The following DPY19L4 variants were observed in gnomAD, a reference collection of about 807,000 sequenced individuals.
The protein encoded by DPY19L4 is dpy-19 like 4.
Under a neutral mutation model 102.8 loss-of-function variants are expected in DPY19L4, and 97 were observed. That is an observed-to-expected ratio of 0.94 (90% CI 0.80 to 1.12). DPY19L4 has a LOEUF of 1.12. Among genes scored for constraint, DPY19L4 ranks in the 50% most tolerant of loss-of-function variants. The pLI is 0.00. For synonymous variants in DPY19L4, 252 were observed against 283.1 expected, an observed-to-expected ratio of 0.89 and a Z score of 1.10; for missense variants, 815 against 850.4, an observed-to-expected ratio of 0.96 and a Z score of 0.52.
chr8:94,774,946 C>G (rs1813109070), intron 13 of DPY19L4, among the ~76,000 whole-genome samples: 1 of 152,036 alleles, frequency 6.6e-6, no homozygotes, highest in African/African-American at 2.4e-5. Context: ...TAGTGTTTAT[C>G]TTTTTGTGAC....
chr8:94,754,222 G>T (rs551064096), intron 6 of DPY19L4, among the ~76,000 whole-genome samples: 1 of 152,088 alleles, frequency 6.6e-6, no homozygotes, highest in Non-Finnish European at 1.5e-5. Context: ...AAAGAGATGA[G>T]TAAAAATGAT....
intron 17 of DPY19L4, among the ~76,000 whole-genome samples, chr8:94,787,408 GGAACT>G (rs1813701747): frequency 6.6e-6 from 1 of 152,048 alleles, no homozygotes; most frequent in African/African-American, 2.4e-5. Flanking sequence ...AGTGGACGTG[GGAACT>G]GAAGGTACTA....
chr8:94,764,717 A>ATATATATT, intron 8 of DPY19L4, among the ~76,000 whole-genome samples: 1 of 29,324 alleles, frequency 3.4e-5, no homozygotes, highest in Non-Finnish European at 5.6e-5. Flanking sequence ...ATATATATAT[A>ATATATATT]TTTTTTTTTT....
chr8:94,760,205 A>G (rs1209476947), intron 7 of DPY19L4, among the ~76,000 whole-genome samples: 1 of 152,214 alleles, frequency 6.6e-6, no homozygotes, highest in East Asian at 1.9e-4. Context: ...GGAATTAACA[A>G]TTTGTTTTAG....
At chr8:94,788,978 C>T (rs749955856) in intron 18 of DPY19L4, among the ~76,000 whole-genome samples, 1 of 152,146 alleles carries the variant, frequency 6.6e-6, no homozygotes, top group Non-Finnish European at 1.5e-5. Flanking sequence ...TTTTATGGTA[C>T]ATGTATTTTG....
At position 94,765,767 on chromosome 8, in the gene DPY19L4, C is replaced by G. The variant is rs558873760; in HGVS notation, c.1059C>G (p.Tyr353Ter). Residue 353 changes from tyrosine (Y) to a stop codon, truncating the protein, a stop_gained, in exon 10 of 19, where the codon TAC (tyrosine) becomes TAG (stop). Coordinates refer to ENST00000414645, the MANE Select transcript of DPY19L4 (RefSeq NM_181787.3). LOFTEE classifies it high-confidence loss of function. ...VAKIIKVINFYLVCTLTITLN... is the reference protein window; with the variant it reads ...VAKIIKVINF ...AAATAATAAAAGTGATTAATTTTTA[C>G]TTGGTGTGTACTCTGACAATAACAT... 6.2e-7 allele frequency: 1 copy of G among 1,602,496 alleles called. No individual in the cohort carries two copies. The highest frequency in any genetic ancestry group is 1.1e-5 in the South Asian group (1 of 89,974).
intron 2 of DPY19L4, among the ~76,000 whole-genome samples, chr8:94,728,488 G>A (rs1810788046): frequency 1.3e-5 from 2 of 152,122 alleles, no homozygotes; most frequent in African/African-American, 2.4e-5. Context: ...CATCCTTAAG[G>A]GCTAAACAGC....
At chr8:94,768,720 G>A (rs1812788180) in intron 12 of DPY19L4, among the ~76,000 whole-genome samples, 167 bp downstream of exon 12, 1 of 152,020 alleles carries the variant, frequency 6.6e-6, no homozygotes, top group Admixed American at 6.6e-5. Context: ...TTGGCCAGGT[G>A]CGGTGGCTCA....
At chr8:94,781,007 C>CT in intron 15 of DPY19L4, 77 bp from the exon 16 acceptor site, 1 of 1,229,930 alleles carries the variant, frequency 8.1e-7, no homozygotes, top group Non-Finnish European at 1.1e-6. Context: ...TTTTGAAATA[C>CT]TGTGGAACAG....
chr8:94,746,533 T>C (rs940623768), intron 6 of DPY19L4, among the ~76,000 whole-genome samples: 1 of 152,220 alleles, frequency 6.6e-6, no homozygotes, highest in African/African-American at 2.4e-5. Flanking sequence ...CTTTCACATA[T>C]TACATATTGA....
intron 4 of DPY19L4, among the ~76,000 whole-genome samples, 197 bp downstream of exon 4, chr8:94,738,656 G>A (rs1811301478): frequency 6.6e-6 from 1 of 151,620 alleles, no homozygotes; most frequent in African/African-American, 2.4e-5. Context: ...TGGGATTAAA[G>A]GCATGCACCA....
intron 18 of DPY19L4, among the ~76,000 whole-genome samples, chr8:94,788,674 C>T (rs538945674): frequency 3.9e-5 from 6 of 152,320 alleles, no homozygotes; most frequent in South Asian, 4.1e-4. Flanking sequence ...CCCCCAGCCC[C>T]CATGGCCTTC....
At chr8:94,758,022 G>T (rs1468955824) in intron 7 of DPY19L4, among the ~76,000 whole-genome samples, 3 of 151,986 alleles carry the variant, frequency 2.0e-5, no homozygotes, top group African/African-American at 7.3e-5. Context: ...TGAGGTGGGA[G>T]AATCGCTTGA....
chr8:94,734,461 A>G (rs546270383), intron 2 of DPY19L4, among the ~76,000 whole-genome samples, 169 bp from the exon 3 acceptor site: 1 of 152,168 alleles, frequency 6.6e-6, no homozygotes, highest in East Asian at 1.9e-4. Context: ...AGTTTGAGAG[A>G]TATATTTATA....
At chr8:94,757,996 C>T (rs1310477869) in intron 7 of DPY19L4, among the ~76,000 whole-genome samples, 1 of 151,870 alleles carries the variant, frequency 6.6e-6, no homozygotes, top group African/African-American at 2.4e-5. Flanking sequence ...GCTGTACTCC[C>T]AGCTACTTGG....
At chr8:94,788,864 C>CT (rs1215912227) in intron 18 of DPY19L4, among the ~76,000 whole-genome samples, 3 of 152,188 alleles carry the variant, frequency 2.0e-5, no homozygotes, top group Non-Finnish European at 4.4e-5. Flanking sequence ...AATCATAGCT[C>CT]TTTGTCTTAT....
At chr8:94,744,950 C>G in intron 6 of DPY19L4, 1 of 188,654 alleles carries the variant, frequency 5.3e-6, no homozygotes. Flanking sequence ...TGGTATGTAT[C>G]TTGTACTGCA....
chr8:94,744,855 C>CTG, intron 6 of DPY19L4: 1 of 255,506 alleles, frequency 3.9e-6, no homozygotes. Flanking sequence ...GTATATTCTA[C>CTG]TCAAATGTAT....
intron 6 of DPY19L4, among the ~76,000 whole-genome samples, chr8:94,755,296 T>G (rs576982651): frequency 1.3e-5 from 2 of 152,294 alleles, no homozygotes; most frequent in South Asian, 4.1e-4. Context: ...TCATACTCCT[T>G]TTGTAAAGGG....
Sources: allele counts gnomAD v4.1 joint callset (sites outside exome capture counted in the v4.1 genomes callset), GRCh38; gene constraint gnomAD v4.1.1; transcripts MANE v1.5; gene names NCBI Gene and HGNC (gene_info 2026-07-23, HGNC 2026-07-21).